Variants in OGFOD3 observed in about 807,000 individuals in gnomAD.
The protein encoded by OGFOD3 is 2-oxoglutarate and iron dependent oxygenase domain containing 3, also known as 2-oxoglutarate and iron-dependent oxygenase domain-containing protein 3.
OGFOD3 carries 35 observed loss-of-function variants against 39.8 expected under a neutral mutation model. That is an observed-to-expected ratio of 0.88 (90% CI 0.67 to 1.17). The LOEUF (loss-of-function observed/expected upper bound fraction) is 1.17, where lower values mean the gene tolerates loss of function less well. Among genes scored for constraint, OGFOD3 ranks in the 50% most tolerant of loss-of-function variants. The pLI, the probability that OGFOD3 is intolerant of heterozygous loss-of-function variation, is 0.00. For synonymous variants in OGFOD3, 200 were observed against 192.0 expected, an observed-to-expected ratio of 1.04 and a Z score of -0.34; for missense variants, 438 against 454.5, an observed-to-expected ratio of 0.96 and a Z score of 0.33.
Position 82,390,015 on chromosome 17 carries a change from C to T in OGFOD3, c.*2383G>A, listed in dbSNP as rs2052582348. On this transcript the variant is annotated 3_prime_UTR_variant, in exon 9 of 9. Coordinates refer to ENST00000313056, the MANE Select transcript of OGFOD3 (RefSeq NM_024648.3). This position sits in a 1 kb window ranked among gnomAD's most constrained non-coding sequence, Gnocchi z 4.9. ...CAGCCTGGGCGACAGAGTTAGACTC[C>T]GTCTCAAAAAAAAAAAGAAGGAAAT... 2 of 150,862 alleles carry T rather than the reference C, an allele frequency of 1.3e-5. No individual in the cohort carries two copies. The highest frequency in any genetic ancestry group is 4.9e-5 in the African/African-American group (2 of 40,976). 9.3% of individuals were successfully genotyped at this position (150,862 alleles called of 1,614,324 possible).
chr17:82,405,328 A>G lies in OGFOD3; in HGVS notation c.541T>C (p.Tyr181His), dbSNP rs1599695985. The G allele has an allele frequency of 1.2e-6, 2 of 1,613,836 alleles. No homozygotes were observed. The highest frequency in any genetic ancestry group is 1.3e-5 in the African/African-American group (1 of 75,050). The change falls in exon 6 of 9, where the codon TAC becomes CAC. Residue 181 changes from tyrosine to histidine, a missense_variant. Transcript: ENST00000313056. Reference protein sequence around the residue: ...NIFSEEDFRLYREVRQKVQLT... With the variant: ...NIFSEEDFRLHREVRQKVQLT... ...ACCCGCCTCACTCCTCCTTACCGGT[A>G]TAACCGGAAGTCCTCCTCTGAGAAG...
At position 82,406,323 on chromosome 17, in the gene OGFOD3, C is replaced by G; in HGVS notation, c.488+95G>C. The G allele has an allele frequency of 8.6e-7, 1 of 1,164,794 alleles. No individual in the cohort carries two copies. The highest frequency in any genetic ancestry group is 1.2e-5 in the South Asian group (1 of 81,582). 72.2% of individuals were successfully genotyped at this position (1,164,794 alleles called of 1,614,324 possible). ...GGCTGCACCGAGCCGGATCCTCCCT[C>G]ACATGTCCACGTGTCCACATGTCCA... On this transcript the variant is annotated intron_variant, in intron 5 of 8. Transcript: ENST00000313056. The surrounding 1 kb of genome is among the most constrained non-coding windows in gnomAD (Gnocchi z 5.2).
intron 2 of OGFOD3, among the ~76,000 whole-genome samples, chr17:82,414,006 A>G (rs2052994943): frequency 6.6e-6 from 1 of 152,230 alleles, no homozygotes; most frequent in Non-Finnish European, 1.5e-5. Flanking sequence ...GTGTGGTGGC[A>G]TCGGGCACAA....
chr17:82,406,480 T>G lies in OGFOD3; in HGVS notation c.426A>C (p.Ala142=). 1.9e-6 allele frequency: 3 copies of G among 1,614,116 alleles called. No individual in the cohort carries two copies. The highest frequency in any genetic ancestry group is 2.5e-6 in the Non-Finnish European group (3 of 1,179,972). ...CCCCTGAGTGCAAGTCCAGAATGGA[T>G]GCCTGGAAAAGACGTTGTGGAGTAA... The part of the protein sequence containing the change: ...GLSLGGSDGG[A]SILDLHSGAL... The change falls in exon 5 of 9, where the codon GCA becomes GCC. Residue 142 remains alanine (A), a splice_region_variant and synonymous_variant. Coordinates refer to ENST00000313056, the MANE Select transcript of OGFOD3 (RefSeq NM_024648.3). The surrounding 1 kb of genome is among the most constrained non-coding windows in gnomAD (Gnocchi z 5.2).
chr17:82,396,190 C>T (rs1379046378), intron 8 of OGFOD3, among the ~76,000 whole-genome samples: 1 of 150,756 alleles, frequency 6.6e-6, no homozygotes, highest in Non-Finnish European at 1.5e-5. Flanking sequence ...TAGATACACA[C>T]AATTAGACAG....
chr17:82,392,561 G>T lies in OGFOD3; in HGVS notation c.824-27C>A, dbSNP rs757115981. ...TGGGAGAGGAGAAGAGAGAGAGGTG[G>T]CCATAGAGCCACACCCACGGCCACA... On this transcript the variant is annotated intron_variant, in intron 8 of 8. Transcript: ENST00000313056. The surrounding 1 kb of genome is among the most constrained non-coding windows in gnomAD (Gnocchi z 4.2). 1 of 1,564,796 alleles carries T rather than the reference G, an allele frequency of 6.4e-7. No homozygotes were observed. The highest frequency in any genetic ancestry group is 8.7e-7 in the Non-Finnish European group (1 of 1,155,038).
At chr17:82,414,582 A>T (rs1262835839) in intron 2 of OGFOD3, among the ~76,000 whole-genome samples, 2 of 152,234 alleles carry the variant, frequency 1.3e-5, no homozygotes, top group Admixed American at 6.5e-5. Context: ...ACAACAACAC[A>T]CAACAGAAAC....
intron 8 of OGFOD3, 144 bp downstream of exon 8, chr17:82,398,052 T>C (rs2052704570): frequency 3.8e-6 from 4 of 1,047,722 alleles, no homozygotes; most frequent in Non-Finnish European, 5.7e-6. Context: ...GGACTGGCGC[T>C]AGACCTGGGA....
chr17:82,413,919 T>C (rs1371034417), intron 2 of OGFOD3, among the ~76,000 whole-genome samples: 1 of 151,484 alleles, frequency 6.6e-6, no homozygotes, highest in African/African-American at 2.4e-5. Flanking sequence ...AGAAAATACA[T>C]CAAACCATTT....
At chr17:82,397,979 C>T (rs2052703252) in intron 8 of OGFOD3, among the ~76,000 whole-genome samples, 1 of 152,024 alleles carries the variant, frequency 6.6e-6, no homozygotes, top group Non-Finnish European at 1.5e-5. Context: ...GAGGGGGGCT[C>T]TGCCGCTGAC....
chr17:82,403,259 C>T (rs907275167), intron 7 of OGFOD3, among the ~76,000 whole-genome samples: 3 of 152,134 alleles, frequency 2.0e-5, no homozygotes, highest in Non-Finnish European at 4.4e-5. Context: ...TTGTCACCAT[C>T]AAATGAGAAA....
intron 7 of OGFOD3, among the ~76,000 whole-genome samples, chr17:82,399,104 G>A (rs943448345): frequency 3.3e-4 from 51 of 152,288 alleles, no homozygotes; most frequent in African/African-American, 1.1e-3. Flanking sequence ...CCCGGGTGCT[G>A]GGATTACGCG....
rs771496662 is a variant in OGFOD3, at chr17:82,415,483, G to A, written c.219C>T (p.Val73=). 1 of 1,613,844 alleles carries A rather than the reference G, an allele frequency of 6.2e-7. No individual in the cohort carries two copies. ...SLGADDGVAE[V]LARRGEVVAG... ...CCACGACCTCGCCACGGCGGGCCAGGACCTCTGCGACCCCGTCGTCGGCCC... is the reference window on the plus strand; with the variant it reads ...CCACGACCTCGCCACGGCGGGCCAGAACCTCTGCGACCCCGTCGTCGGCCC... Residue 73 remains valine (V), a synonymous_variant, in exon 2 of 9, where the codon GTC becomes GTT. Transcript: ENST00000313056. This position sits in a 1 kb window ranked among gnomAD's most constrained non-coding sequence, Gnocchi z 5.3.
In OGFOD3 at chr17:82,405,897, G is replaced by A. The variant is rs190660950; in HGVS notation, c.489-517C>T. ...CCCAGGAGGCAGAGTCAAATGAGTCGAAATTGCGCCACTGCACTCCAGCCT... is the reference window on the plus strand; with the variant it reads ...CCCAGGAGGCAGAGTCAAATGAGTCAAAATTGCGCCACTGCACTCCAGCCT... On this transcript the variant is annotated intron_variant, in intron 5 of 8. Transcript: ENST00000313056. Among the ~76,000 whole-genome samples the A allele has an allele frequency of 3.2e-3, 491 of 152,196 alleles. 10 individuals carry two copies. The highest frequency in any genetic ancestry group is 4.0e-3 in the Non-Finnish European group (274 of 68,020).
At chr17:82,399,519 A>G (rs1290498348) in intron 7 of OGFOD3, among the ~76,000 whole-genome samples, 1 of 152,240 alleles carries the variant, frequency 6.6e-6, no homozygotes, top group African/African-American at 2.4e-5. Flanking sequence ...AGCACAGTTC[A>G]GTGATGTTAA....
chr17:82,404,982 C>G lies in OGFOD3; in HGVS notation c.545+342G>C, dbSNP rs1424475584. ...TCTCGAACTCCTGACCTCAGGTGAT[C>G]CACCCGCCTCGCCTCCCAAAGTGCT... On this transcript the variant is annotated intron_variant, in intron 6 of 8. Transcript: ENST00000313056. The surrounding 1 kb of genome is among the most constrained non-coding windows in gnomAD (Gnocchi z 4.5). Among the ~76,000 whole-genome samples, 1 of 152,130 alleles carries G rather than the reference C, an allele frequency of 6.6e-6. No homozygotes were observed. The highest frequency in any genetic ancestry group is 2.4e-5 in the African/African-American group (1 of 41,434).
intron 8 of OGFOD3, among the ~76,000 whole-genome samples, chr17:82,395,713 C>T (rs975904821): frequency 3.9e-5 from 6 of 152,086 alleles, no homozygotes; most frequent in African/African-American, 9.7e-5. Context: ...CCCAGCTACT[C>T]GGGAGGCTGA....
intron 3 of OGFOD3, among the ~76,000 whole-genome samples, chr17:82,409,843 C>T (rs1273324839): frequency 2.0e-5 from 3 of 151,938 alleles, no homozygotes; most frequent in Non-Finnish European, 2.9e-5. Context: ...TGCAGTGAGC[C>T]GAGATCGCGC....
intron 1 of OGFOD3, among the ~76,000 whole-genome samples, chr17:82,416,413 C>CT (rs1306007075): frequency 2.0e-5 from 3 of 152,122 alleles, no homozygotes; most frequent in African/African-American, 7.2e-5. Flanking sequence ...GGGGTGAACA[C>CT]TAAGGACGGG....
Sources: allele counts gnomAD v4.1 joint callset (sites outside exome capture counted in the v4.1 genomes callset), GRCh38; gene constraint gnomAD v4.1.1; non-coding constraint Gnocchi (gnomAD v3.1); transcripts MANE v1.5; gene names NCBI Gene and HGNC (gene_info 2026-07-23, HGNC 2026-07-21).